The following DDAH1 variants were observed in gnomAD, a reference collection of about 807,000 sequenced individuals.
DDAH1 encodes dimethylarginine dimethylaminohydrolase 1, also known as N(G),N(G)-dimethylarginine dimethylaminohydrolase 1.
A neutral mutation model predicts 28.8 loss-of-function variants in DDAH1; 19 were observed. That is an observed-to-expected ratio of 0.66 (90% CI 0.46 to 0.97). The LOEUF (loss-of-function observed/expected upper bound fraction) is 0.97. DDAH1 is among the 50% of genes least tolerant of loss of function. DDAH1 has a pLI of 0.00. For missense variants in DDAH1, 326 were observed against 375.9 expected (o/e 0.87, Z 1.10); for synonymous variants, 153 against 154.4 (o/e 0.99, Z 0.07).
At position 85,529,231 on chromosome 1, in the gene DDAH1, C is replaced by T. The variant is rs2168200; in HGVS notation, c.-122-32950G>A. Among the ~76,000 whole-genome samples the T allele has an allele frequency of 3.4e-4, 52 of 152,220 alleles. 1 individual carries two copies. Among genetic ancestry groups the T allele is most frequent in the African/African-American group, 1.2e-3 (51 of 41,472 alleles). ...CTCTAATTCAGAGGTCCTTCACTCA[C>T]TAATTAAAACTGATGGACTGGTCAG... On this transcript the variant is annotated intron_variant, in intron 1 of 6. Coordinates refer to the DDAH1 transcript ENST00000426972.
intron 2 of DDAH1, among the ~76,000 whole-genome samples, chr1:85,486,730 T>C (rs549657956): frequency 6.4e-4 from 98 of 152,252 alleles, no homozygotes; most frequent in African/African-American, 2.2e-3. Flanking sequence ...AACACTCACT[T>C]TAATTTGGAA....
At chr1:85,549,796 T>C (rs1361985007) in intron 1 of DDAH1, among the ~76,000 whole-genome samples, 1 of 152,238 alleles carries the variant, frequency 6.6e-6, no homozygotes, top group African/African-American at 2.4e-5. Flanking sequence ...CATTCAATCA[T>C]ATAAATTAAA....
chr1:85,502,378 G>A (rs1474332618), intron 1 of DDAH1, among the ~76,000 whole-genome samples: 1 of 152,204 alleles, frequency 6.6e-6, no homozygotes, highest in Non-Finnish European at 1.5e-5. Flanking sequence ...TCTTGAGAAT[G>A]ATACTGAAAA....
chr1:85,349,946 TGAA>T (rs751793480), intron 4 of DDAH1, among the ~76,000 whole-genome samples: 2 of 152,172 alleles, frequency 1.3e-5, no homozygotes, highest in Non-Finnish European at 2.9e-5. Flanking sequence ...CAAATGCAAA[TGAA>T]GAAGTTAAGC....
chr1:85,453,201 T>C (rs1281939241), intron 1 of DDAH1, among the ~76,000 whole-genome samples: 3 of 152,158 alleles, frequency 2.0e-5, no homozygotes, highest in East Asian at 1.9e-4. Context: ...CTTAAATCCA[T>C]ATTATCCCAT....
intron 1 of DDAH1, among the ~76,000 whole-genome samples, chr1:85,412,209 T>C (rs966332248): frequency 3.3e-5 from 5 of 152,256 alleles, no homozygotes; most frequent in Admixed American, 2.6e-4. Flanking sequence ...TTCAACTCCA[T>C]GTGACTACAG....
chr1:85,328,192 T>TA (rs1647530423), intron 4 of DDAH1, among the ~76,000 whole-genome samples: 1 of 152,198 alleles, frequency 6.6e-6, no homozygotes, highest in African/African-American at 2.4e-5. Flanking sequence ...CAAATGACTC[T>TA]GGATGACAAA....
chr1:85,529,538 A>G (rs1431687729), intron 1 of DDAH1, among the ~76,000 whole-genome samples: 6 of 147,258 alleles, frequency 4.1e-5, no homozygotes, highest in African/African-American at 1.5e-4. Context: ...GAAGCACTGC[A>G]CAAACTTCTC....
At chr1:85,481,474 G>T (rs1296176638) in intron 2 of DDAH1, among the ~76,000 whole-genome samples, 3 of 152,096 alleles carry the variant, frequency 2.0e-5, no homozygotes, top group Non-Finnish European at 2.9e-5. Flanking sequence ...TACATTATAA[G>T]TGTTATAGTT....
chr1:85,509,674 G>A lies in DDAH1; in HGVS notation c.-122-13393C>T, dbSNP rs370878234. Among the ~76,000 whole-genome samples the A allele has an allele frequency of 3.5e-4, 54 of 152,262 alleles. No homozygotes were observed. In the East Asian group the frequency reaches 8.9e-3, roughly 25 times the overall value. On this transcript the variant is annotated intron_variant, in intron 1 of 6. Coordinates refer to the DDAH1 transcript ENST00000426972. ...CTGATGGAGCTGAAAACCATGGCAC[G>A]AGAACTTTGTGACATATGCACAACC...
At chr1:85,334,231 C>A (rs550221096) in intron 4 of DDAH1, among the ~76,000 whole-genome samples, 2 of 152,290 alleles carry the variant, frequency 1.3e-5, no homozygotes, top group South Asian at 4.2e-4. Flanking sequence ...GCTTTGCTTC[C>A]CCTTTGCCTT....
intron 1 of DDAH1, among the ~76,000 whole-genome samples, chr1:85,377,969 T>G (rs1034006412): frequency 6.6e-6 from 1 of 152,218 alleles, no homozygotes; most frequent in African/African-American, 2.4e-5. Context: ...ACATGTCATA[T>G]GAATAAAGTT....
At chr1:85,547,560 A>G (rs533915028) in intron 1 of DDAH1, among the ~76,000 whole-genome samples, 1 of 152,320 alleles carries the variant, frequency 6.6e-6, no homozygotes, top group African/African-American at 2.4e-5. Flanking sequence ...TTCAACCAGT[A>G]CTGTCAGGAT....
intron 1 of DDAH1, among the ~76,000 whole-genome samples, chr1:85,431,341 G>C (rs982854742): frequency 6.6e-6 from 1 of 152,122 alleles, no homozygotes; most frequent in Non-Finnish European, 1.5e-5. Context: ...AGGGGTATTG[G>C]CCTGAAATTG....
chr1:85,394,341 C>A (rs987859548), intron 1 of DDAH1, among the ~76,000 whole-genome samples: 1 of 152,168 alleles, frequency 6.6e-6, no homozygotes, highest in Non-Finnish European at 1.5e-5. Context: ...GTTTCTCCAC[C>A]ATGTTATGAT....
chr1:85,527,675 A>G (rs1173820160), intron 1 of DDAH1, among the ~76,000 whole-genome samples: 1 of 152,180 alleles, frequency 6.6e-6, no homozygotes, highest in East Asian at 1.9e-4. Context: ...TAGGTTATAA[A>G]CTTTAAAATA....
chr1:85,541,782 C>G (rs1453255420), intron 1 of DDAH1, among the ~76,000 whole-genome samples: 1 of 152,146 alleles, frequency 6.6e-6, no homozygotes, highest in Non-Finnish European at 1.5e-5. Flanking sequence ...GATTAGGGTC[C>G]TGGTAAAAGA....
intron 2 of DDAH1, 134 bp from the exon 3 acceptor site, chr1:85,351,713 C>A: frequency 3.2e-6 from 2 of 631,988 alleles, no homozygotes; most frequent in African/African-American, 1.9e-5. Flanking sequence ...ACTAAAGAGA[C>A]TACAAAAAAT....
intron 1 of DDAH1, among the ~76,000 whole-genome samples, chr1:85,462,875 T>C (rs890369763): frequency 6.6e-6 from 1 of 152,250 alleles, no homozygotes; most frequent in Non-Finnish European, 1.5e-5. Flanking sequence ...TACATCAGTG[T>C]ATAGCTGACT....
Sources: allele counts gnomAD v4.1 joint callset (sites outside exome capture counted in the v4.1 genomes callset), GRCh38; gene constraint gnomAD v4.1.1; transcripts MANE v1.5; gene names NCBI Gene and HGNC (gene_info 2026-07-23, HGNC 2026-07-21).